The following YEATS2 variants were observed in gnomAD, a reference collection of about 807,000 sequenced individuals.
The protein encoded by YEATS2 is YEATS domain containing 2, also known as YEATS domain-containing protein 2.
In YEATS2, 77 loss-of-function variants were observed where a neutral mutation model predicts 163.2. That is an observed-to-expected ratio of 0.47 (90% CI 0.39 to 0.57). YEATS2 has a LOEUF of 0.57. YEATS2 is among the 20% of genes least tolerant of loss of function. The probability of loss-of-function intolerance (pLI) is 0.00; values close to 1 mark genes in which losing one functional copy is unlikely to be tolerated. For synonymous variants in YEATS2, 631 were observed against 645.1 expected, an observed-to-expected ratio of 0.98 and a Z score of 0.33; for missense variants, 1,549 against 1,729.8, an observed-to-expected ratio of 0.90 and a Z score of 1.85.
intron 1 of YEATS2, among the ~76,000 whole-genome samples, chr3:183,714,770 A>T (rs974180105): frequency 1.3e-5 from 2 of 152,150 alleles, no homozygotes; most frequent in Non-Finnish European, 2.9e-5. Context: ...GTTTTCATCA[A>T]AGTCTGGTTC....
chr3:183,745,482 C>T (rs1309821525), intron 8 of YEATS2, among the ~76,000 whole-genome samples: 1 of 152,072 alleles, frequency 6.6e-6, no homozygotes, highest in African/African-American at 2.4e-5. Context: ...TTTTAATGCT[C>T]TTCCCCTCCT....
chr3:183,799,405 A>G (rs1725449936), intron 23 of YEATS2, among the ~76,000 whole-genome samples: 1 of 152,196 alleles, frequency 6.6e-6, no homozygotes, highest in Non-Finnish European at 1.5e-5. Context: ...GGACTTTAAA[A>G]GAGTAGAGGT....
chr3:183,778,405 G>A (rs1723227955), intron 19 of YEATS2, among the ~76,000 whole-genome samples: 1 of 152,230 alleles, frequency 6.6e-6, no homozygotes. Context: ...ACACTTTGTT[G>A]TAAAATTTCT....
intron 30 of YEATS2, 88 bp downstream of exon 30, chr3:183,809,258 C>T (rs886626529): frequency 7.5e-7 from 1 of 1,327,926 alleles, no homozygotes; most frequent in Non-Finnish European, 1.1e-6. Context: ...ATACTTACAT[C>T]AATCCAGTAG....
intron 25 of YEATS2, 144 bp downstream of exon 25, chr3:183,801,672 T>A: frequency 1.8e-6 from 1 of 566,428 alleles, no homozygotes; most frequent in South Asian, 3.0e-5. Context: ...TACAGCCCAT[T>A]TGCAAGGGTT....
chr3:183,786,163 C>G lies in YEATS2; in HGVS notation c.2775C>G (p.Ser925=), dbSNP rs776419573. The change falls in exon 20 of 31, where the codon TCC becomes TCG. Residue 925 remains serine, a synonymous_variant. Coordinates refer to ENST00000305135, the MANE Select transcript of YEATS2 (RefSeq NM_018023.5). ...GACAGGCATCTCTAATGAAAATATC[C>G]GATAGCACCTTGAAGACTGTGCCAG... ...HGGQASLMKI[S]DSTLKTVPAT... is the part of the protein sequence containing the mutation. The G allele has an allele frequency of 1.2e-6, 2 of 1,614,010 alleles. No individual in the cohort carries two copies. Among genetic ancestry groups the G allele is most frequent in the Non-Finnish European group, 1.7e-6 (2 of 1,179,944 alleles).
intron 14 of YEATS2, 128 bp from the exon 15 acceptor site, chr3:183,761,969 G>A: frequency 7.9e-7 from 1 of 1,265,360 alleles, no homozygotes; most frequent in Non-Finnish European, 1.1e-6. Flanking sequence ...TTCTGGTGGA[G>A]TCATTCTTTA....
intron 4 of YEATS2, among the ~76,000 whole-genome samples, chr3:183,721,290 A>G (rs1297362468): frequency 2.0e-5 from 3 of 152,196 alleles, no homozygotes; most frequent in Non-Finnish European, 4.4e-5. Context: ...CATTAGTTTA[A>G]TAACACAGTT....
At chr3:183,773,841 G>A (rs763347026) in intron 17 of YEATS2, 47 bp downstream of exon 17, 3 of 1,557,672 alleles carry the variant, frequency 1.9e-6, no homozygotes, top group African/African-American at 2.8e-5. Flanking sequence ...GGTTCTCTAT[G>A]TGTGTTCATC....
chr3:183,790,238 GT>G (rs1724479256), intron 20 of YEATS2, among the ~76,000 whole-genome samples: 1 of 152,200 alleles, frequency 6.6e-6, no homozygotes, highest in Non-Finnish European at 1.5e-5. Flanking sequence ...GGCAGAAGCA[GT>G]GCCTTTCTTC....
intron 1 of YEATS2, among the ~76,000 whole-genome samples, chr3:183,700,202 A>G (rs966300478): frequency 7.9e-5 from 12 of 152,090 alleles, no homozygotes; most frequent in African/African-American, 2.4e-4. Context: ...TTCTCCCCAC[A>G]TGTTTCTCAG....
At chr3:183,729,189 G>A (rs166398) in intron 7 of YEATS2, among the ~76,000 whole-genome samples, 61,884 of 151,592 alleles carry the variant, frequency 0.41, 13,233 homozygotes, top group East Asian at 0.65. Flanking sequence ...GGAGAATGGC[G>A]TGAACCAGGG....
Position 183,811,336 on chromosome 3 carries a change from T to G in YEATS2, c.*753T>G, listed in dbSNP as rs1726776744. 1 of 152,514 alleles carries G rather than the reference T, an allele frequency of 6.6e-6. No individual in the cohort carries two copies. The highest frequency in any genetic ancestry group is 6.5e-5 in the Admixed American group (1 of 15,274). 9.4% of individuals were successfully genotyped at this position (152,514 alleles called of 1,614,324 possible). A position where few individuals can be genotyped will look rare whatever the true frequency, so the allele number is the denominator to read the frequency against. On this transcript the variant is annotated 3_prime_UTR_variant, in exon 31 of 31. Transcript: ENST00000305135. Reference sequence around the variant, plus strand: ...ACCAGTCCCAGACACTTGGCAGAAGTGTAGCAGCGTTACACATGTGTGCGA... The same window carrying G: ...ACCAGTCCCAGACACTTGGCAGAAGGGTAGCAGCGTTACACATGTGTGCGA...
chr3:183,804,225 G>C (rs1560337991), intron 27 of YEATS2, 37 bp downstream of exon 27: 10 of 1,611,060 alleles, frequency 6.2e-6, no homozygotes, highest in Non-Finnish European at 2.5e-6. Flanking sequence ...GCGCCTGGCA[G>C]CCTGGAGGCA....
intron 20 of YEATS2, among the ~76,000 whole-genome samples, chr3:183,790,060 T>C (rs1724462249): frequency 6.6e-6 from 1 of 152,220 alleles, no homozygotes; most frequent in Non-Finnish European, 1.5e-5. Flanking sequence ...CTTTGCAGCT[T>C]CTTGAACATA....
rs774794057 is a variant in YEATS2 at position 183,797,920 on chromosome 3, T to C, written c.3098-3T>C. 6.8e-6 allele frequency: 11 copies of C among 1,613,984 alleles called. No individual in the cohort carries two copies. The highest frequency in any genetic ancestry group is 9.3e-6 in the Non-Finnish European group (11 of 1,179,876). On this transcript the variant is annotated splice_polypyrimidine_tract_variant and splice_region_variant and intron_variant, in intron 21 of 30. Coordinates refer to ENST00000305135, the MANE Select transcript of YEATS2 (RefSeq NM_018023.5). ...CTTGGCTTTATCTTCCAATTTGTTC[T>C]AGGACTGTTAAAGATTCACTCCAGT...
chr3:183,746,941 C>T (rs1719612069), intron 8 of YEATS2, among the ~76,000 whole-genome samples: 1 of 151,884 alleles, frequency 6.6e-6, no homozygotes, highest in African/African-American at 2.4e-5. Flanking sequence ...ATACTTTTCC[C>T]TGTTAATCTT....
Position 183,715,154 on chromosome 3 carries a change from A to G in YEATS2, c.-9A>G. Reference sequence around the variant, plus strand: ...ATCATTGCTTCACAGTGAAGAACTGAATGTCATCATGTCTGGAATCAAGCG... The same window carrying G: ...ATCATTGCTTCACAGTGAAGAACTGGATGTCATCATGTCTGGAATCAAGCG... On this transcript the variant is annotated 5_prime_UTR_variant, in exon 2 of 31. Transcript: ENST00000305135. 8.8e-6 allele frequency: 14 copies of G among 1,599,030 alleles called. No homozygotes were observed. The highest frequency in any genetic ancestry group is 2.2e-5 in the South Asian group (2 of 90,258).
In YEATS2 at chr3:183,758,980, G is replaced by A; in HGVS notation, c.1656+15G>A. 1.4e-6 allele frequency: 2 copies of A among 1,446,552 alleles called. No individual in the cohort carries two copies. Among genetic ancestry groups the A allele is most frequent in the Non-Finnish European group, 9.4e-7 (1 of 1,061,636 alleles). 89.6% of individuals were successfully genotyped at this position (1,446,552 alleles called of 1,614,324 possible). A position where few individuals can be genotyped will look rare whatever the true frequency, so the allele number is the denominator to read the frequency against. On this transcript the variant is annotated intron_variant, in intron 13 of 30. Transcript: ENST00000305135. ...CTACTGTCAAGGTAACATTCTTACT[G>A]CGTTATTACACTTTGCTAGCTTCTT...
Sources: gnomAD v4.1 joint callset for allele counts (sites outside exome capture counted in the v4.1 genomes callset) on GRCh38, gnomAD v4.1.1 for gene constraint, MANE v1.5 for transcripts, NCBI Gene and HGNC (gene_info 2026-07-23, HGNC 2026-07-21) for gene names.